The following SVIL variants were observed in gnomAD, a reference collection of about 807,000 sequenced individuals.
SVIL encodes archvillin.
A neutral mutation model predicts 240.4 loss-of-function variants in SVIL; 101 were observed. The observed-to-expected ratio is 0.42, with a 90% CI of 0.36 to 0.50. SVIL has a LOEUF of 0.50. Ranked by LOEUF, SVIL falls within the 20% of genes least tolerant of loss-of-function variation. The pLI, the probability that SVIL is intolerant of heterozygous loss-of-function variation, is 0.01. For missense variants in SVIL, 2,512 were observed against 2,818.7 expected (o/e 0.89, Z 2.46); for synonymous variants, 999 against 1,100.0 (o/e 0.91, Z 1.82).
chr10:29,488,852 G>C (rs1240049989), intron 22 of SVIL, 96 bp from the exon 23 acceptor site: 50 of 1,339,914 alleles, frequency 3.7e-5, no homozygotes, highest in Non-Finnish European at 4.9e-5. Context: ...CAACACCTTT[G>C]TCTTTTCAAG....
chr10:29,468,069 A>G (rs1462928447), intron 32 of SVIL, among the ~76,000 whole-genome samples, 194 bp from the exon 33 acceptor site: 2 of 152,220 alleles, frequency 1.3e-5, no homozygotes, highest in African/African-American at 4.8e-5. Context: ...CACTAATTTC[A>G]GAACATTTTC....
intron 16 of SVIL, among the ~76,000 whole-genome samples, chr10:29,514,892 G>A (rs1213063409): frequency 1.3e-5 from 2 of 152,164 alleles, no homozygotes; most frequent in Admixed American, 6.5e-5. Flanking sequence ...ATGCTAATAA[G>A]AAAACAAATT....
rs527248322 is a variant in SVIL at position 29,492,322 on chromosome 10, G to T, written c.4019+892C>A. ...CTGGGAAGAAAAGCTACCCGTGCTG[G>T]GCTGGCCAGGGAGGCAGCCTTGTGA... On this transcript the variant is annotated intron_variant, in intron 21 of 37. Transcript: ENST00000355867. Among the ~76,000 whole-genome samples, 4 of 152,142 alleles carry T rather than the reference G, an allele frequency of 2.6e-5. No homozygotes were observed. In the East Asian group the frequency reaches 7.8e-4, roughly 29 times the overall value.
At chr10:29,506,674 G>GT (rs1949322123) in intron 17 of SVIL, among the ~76,000 whole-genome samples, 1 of 145,646 alleles carries the variant, frequency 6.9e-6, no homozygotes, top group Non-Finnish European at 1.5e-5. Context: ...GGGGACAGAG[G>GT]CCCTATGAGG....
intron 1 of SVIL, among the ~76,000 whole-genome samples, chr10:29,630,483 C>G (rs1021467617): frequency 1.3e-5 from 2 of 152,094 alleles, no homozygotes; most frequent in Admixed American, 1.3e-4. Flanking sequence ...TACTAAAGAG[C>G]CCCTGAGATC....
Position 29,458,091 on chromosome 10 carries a change from A to G in SVIL, c.*156T>C. 1.4e-6 allele frequency: 1 copy of G among 714,920 alleles called. No homozygotes were observed. The highest frequency in any genetic ancestry group is 2.8e-5 in the East Asian group (1 of 36,328). 44.3% of individuals were successfully genotyped at this position (714,920 alleles called of 1,614,324 possible). A position where few individuals can be genotyped will look rare whatever the true frequency, so the allele number is the denominator to read the frequency against. On this transcript the variant is annotated 3_prime_UTR_variant, in exon 38 of 38. Coordinates refer to ENST00000355867, the MANE Select transcript of SVIL (RefSeq NM_021738.3). ...CCCTTGAACATTTACAAAATACACA[A>G]CTCCGGGACAAGCAGTATCTTTAAC... is the stretch of plus-strand genomic sequence containing the variant.
intron 6 of SVIL, among the ~76,000 whole-genome samples, chr10:29,546,668 A>G (rs930859131): frequency 6.6e-6 from 1 of 152,212 alleles, no homozygotes; most frequent in Non-Finnish European, 1.5e-5. Context: ...AGCACATTCA[A>G]AAACTGAGCA....
At position 29,470,266 on chromosome 10, in the gene SVIL, C is replaced by G; in HGVS notation, c.5843+10G>C. ...TGTGTGGGGGGACTCGCCGCAGACA[C>G]AACACTCACTGTTCCTTGATCTTGT... On this transcript the variant is annotated intron_variant, in intron 32 of 37. Transcript: ENST00000355867. The G allele has an allele frequency of 6.2e-7, 1 of 1,614,196 alleles. No homozygotes were observed.
At chr10:29,524,222 G>T (rs1475960023) in intron 14 of SVIL, among the ~76,000 whole-genome samples, 195 bp from the exon 15 acceptor site, 1 of 152,078 alleles carries the variant, frequency 6.6e-6, no homozygotes, top group Admixed American at 6.5e-5. Flanking sequence ...ACACAGTTGG[G>T]CATACTATTT....
chr10:29,688,197 ATGTAGCATTAGCTAATTCAGTT>A (rs1961237678), intron 1 of SVIL, among the ~76,000 whole-genome samples: 1 of 152,252 alleles, frequency 6.6e-6, no homozygotes, highest in Admixed American at 6.5e-5. Flanking sequence ...ATGTCTAATA[ATGTAGCATTAGCTAATTCAGTT>A]TGTGGATGCT....
At chr10:29,566,708 A>C (rs901264912) in intron 2 of SVIL, among the ~76,000 whole-genome samples, 2 of 151,874 alleles carry the variant, frequency 1.3e-5, no homozygotes, top group African/African-American at 4.8e-5. Context: ...GAGGGTCCAG[A>C]CTCTTCTCTC....
At chr10:29,462,105 A>G (rs1053156605) in intron 36 of SVIL, among the ~76,000 whole-genome samples, 172 bp downstream of exon 36, 2 of 152,370 alleles carry the variant, frequency 1.3e-5, no homozygotes, top group East Asian at 3.9e-4. Context: ...TTGATTTTCC[A>G]TTAGACTTCT....
At chr10:29,736,261 A>C (rs57294440), upstream of SVIL, among the ~76,000 whole-genome samples, 8 of 152,342 alleles carry the variant, frequency 5.3e-5, no homozygotes, top group East Asian at 9.7e-4. Context: ...ATGAATCGGC[A>C]TAAGCACGTC....
At chr10:29,559,731 T>C (rs116316874) in intron 3 of SVIL, among the ~76,000 whole-genome samples, 2,355 of 152,366 alleles carry the variant, frequency 0.015, 65 homozygotes, top group African/African-American at 0.054. Flanking sequence ...GGAGTGGTAC[T>C]ACTGTGGCAA....
intron 2 of SVIL, among the ~76,000 whole-genome samples, chr10:29,673,968 G>A (rs1050304828): frequency 8.5e-5 from 13 of 152,128 alleles, no homozygotes; most frequent in East Asian, 1.9e-4. Context: ...ATGATAATGC[G>A]AAGTATGATA....
intron 34 of SVIL, among the ~76,000 whole-genome samples, 193 bp from the exon 35 acceptor site, chr10:29,463,828 C>T (rs1295310405): frequency 2.0e-5 from 3 of 152,188 alleles, no homozygotes; most frequent in South Asian, 2.1e-4. Flanking sequence ...GACAGTTCAA[C>T]GGGGAGAAGC....
chr10:29,551,614 G>A (rs922154110), intron 5 of SVIL, among the ~76,000 whole-genome samples: 1 of 152,178 alleles, frequency 6.6e-6, no homozygotes, highest in Non-Finnish European at 1.5e-5. Flanking sequence ...AGTATTTCAC[G>A]TGGGAGGCCA....
chr10:29,642,699 T>A (rs1035614419), intron 3 of SVIL, among the ~76,000 whole-genome samples: 1 of 152,100 alleles, frequency 6.6e-6, no homozygotes, highest in Non-Finnish European at 1.5e-5. Flanking sequence ...TCTCTTTTTT[T>A]TGGAGACAGA....
intron 3 of SVIL, among the ~76,000 whole-genome samples, chr10:29,559,089 C>G (rs926875493): frequency 1.1e-4 from 17 of 151,578 alleles, no homozygotes; most frequent in Non-Finnish European, 2.5e-4. Flanking sequence ...ATGAAAGTCA[C>G]CATTGCTGTG....
Sources: gnomAD v4.1 joint callset for allele counts (sites outside exome capture counted in the v4.1 genomes callset) on GRCh38, gnomAD v4.1.1 for gene constraint, MANE v1.5 for transcripts, NCBI Gene and HGNC (gene_info 2026-07-23, HGNC 2026-07-21) for gene names.